The following SPATA6 variants were observed in gnomAD, a reference collection of about 807,000 sequenced individuals.
SPATA6 encodes the protein spermatogenesis-associated protein 6.
Under a neutral mutation model 65.3 loss-of-function variants are expected in SPATA6, and 56 were observed. The observed-to-expected ratio is 0.86, with a 90% CI of 0.69 to 1.07. The LOEUF (loss-of-function observed/expected upper bound fraction) is 1.07. SPATA6 is among the 50% of genes least tolerant of loss of function. SPATA6 has a pLI of 0.00. For synonymous variants in SPATA6, 199 were observed against 213.2 expected (o/e 0.93, Z 0.58); for missense variants, 590 against 594.8 (o/e 0.99, Z 0.08).
intron 9 of SPATA6, among the ~76,000 whole-genome samples, chr1:48,373,567 T>C (rs1647544274): frequency 6.6e-6 from 1 of 152,222 alleles, no homozygotes; most frequent in South Asian, 2.1e-4. Context: ...TCCGGGTATC[T>C]TTTCAGCAAC....
chr1:48,311,876 T>C (rs1445745666), intron 11 of SPATA6, among the ~76,000 whole-genome samples: 9 of 152,232 alleles, frequency 5.9e-5, no homozygotes, highest in Non-Finnish European at 1.0e-4. Flanking sequence ...ACCCTAATAC[T>C]GTGCTTTTCC....
chr1:48,439,987 A>T (rs947176167), intron 3 of SPATA6, among the ~76,000 whole-genome samples: 8 of 152,194 alleles, frequency 5.3e-5, no homozygotes, highest in Admixed American at 2.0e-4. Context: ...CTTTCTTTTC[A>T]TTGAAGGAGA....
At chr1:48,441,420 T>A (rs1311557823) in intron 3 of SPATA6, among the ~76,000 whole-genome samples, 1 of 152,266 alleles carries the variant, frequency 6.6e-6, no homozygotes, top group Non-Finnish European at 1.5e-5. Context: ...GAGACTTTGC[T>A]CTTTTCACAT....
At chr1:48,436,190 A>G in intron 3 of SPATA6, 1 of 1,612,148 alleles carries the variant, frequency 6.2e-7, no homozygotes, top group South Asian at 1.1e-5. Flanking sequence ...ACTTCTGTCC[A>G]TCTTGCATGG....
rs565443937 is a variant in SPATA6 at position 48,353,287 on chromosome 1, C to T, written c.1194+2383G>A. Among the ~76,000 whole-genome samples the T allele has an allele frequency of 4.0e-5, 6 of 151,686 alleles. No homozygotes were observed. In the South Asian group the frequency reaches 8.3e-4, roughly 21 times the overall value. ...CAAAAAATCATAAAAAATAATGTCA[C>T]GTATGTATGTTGAAATAAGGCAAAC... On this transcript the variant is annotated intron_variant, in intron 11 of 12. Transcript: ENST00000371847.
At chr1:48,274,093 G>A in the SPATA6 span, among the ~76,000 whole-genome samples, 7 of 152,094 alleles carry the variant, frequency 4.6e-5, no homozygotes, top group African/African-American at 1.2e-4. Flanking sequence ...CTAATCATCC[G>A]TGTGATCATG....
At chr1:48,268,471 G>A in the SPATA6 span, among the ~76,000 whole-genome samples, 4 of 151,868 alleles carry the variant, frequency 2.6e-5, no homozygotes, top group Non-Finnish European at 5.9e-5. Context: ...CACTTCTGCT[G>A]AACTAGAGTG....
chr1:48,307,472 A>G (rs1351256537), intron 11 of SPATA6, among the ~76,000 whole-genome samples: 1 of 150,424 alleles, frequency 6.6e-6, no homozygotes, highest in Admixed American at 6.6e-5. Flanking sequence ...GTCCCTGTAT[A>G]GATTATTTTT....
At chr1:48,288,612 C>G in the SPATA6 span, among the ~76,000 whole-genome samples, 1 of 152,222 alleles carries the variant, frequency 6.6e-6, no homozygotes, top group Non-Finnish European at 1.5e-5. Context: ...GAAGCCATGA[C>G]AGACAGCACC....
Position 48,472,112 on chromosome 1 carries a change from CGGT to C in SPATA6, c.-107_-105del. On this transcript the variant is annotated 5_prime_UTR_variant, in exon 1 of 13. Transcript: ENST00000371847. ...CGGGGAGGAGACGAGGTGGCGGCGG[CGGT>C]GGCAGCAGTGGCCCCCAGGCCGGGG... 1 of 956,144 alleles carries C rather than the reference CGGT, an allele frequency of 1.0e-6. No homozygotes were observed. The highest frequency in any genetic ancestry group is 1.8e-5 in the South Asian group (1 of 55,068). 59.2% of individuals were successfully genotyped at this position (956,144 alleles called of 1,614,324 possible).
chr1:48,304,314 A>G (rs1255849642), intron 12 of SPATA6, among the ~76,000 whole-genome samples: 1 of 152,148 alleles, frequency 6.6e-6, no homozygotes, highest in African/African-American at 2.4e-5. Context: ...CTTTTCTGAC[A>G]CTCTGCTTAA....
At chr1:48,460,165 T>G (rs1657320428) in intron 1 of SPATA6, among the ~76,000 whole-genome samples, 1 of 151,864 alleles carries the variant, frequency 6.6e-6, no homozygotes. Context: ...GGGGTCTCAC[T>G]ATGTTGCCCA....
chr1:48,277,573 A>G, the SPATA6 span, among the ~76,000 whole-genome samples: 1 of 152,218 alleles, frequency 6.6e-6, no homozygotes, highest in Non-Finnish European at 1.5e-5. Flanking sequence ...AGTCTCACTG[A>G]TTGCTAGCAC....
At chr1:48,300,728 C>T (rs1297628625) in intron 12 of SPATA6, among the ~76,000 whole-genome samples, 1 of 151,916 alleles carries the variant, frequency 6.6e-6, no homozygotes, top group East Asian at 1.9e-4. Flanking sequence ...AAATGGTATT[C>T]ATTCCAGGGA....
At chr1:48,267,197 G>A in the SPATA6 span, among the ~76,000 whole-genome samples, 2 of 152,100 alleles carry the variant, frequency 1.3e-5, no homozygotes, top group South Asian at 4.1e-4. Flanking sequence ...TATCCCTAGG[G>A]TGTGCATGCA....
chr1:48,456,667 T>C (rs889009314), intron 1 of SPATA6, among the ~76,000 whole-genome samples: 1 of 152,054 alleles, frequency 6.6e-6, no homozygotes, highest in Non-Finnish European at 1.5e-5. Context: ...ATAAGAAATA[T>C]CAATAAAGAG....
At chr1:48,365,611 TA>T (rs1646978247) in intron 9 of SPATA6, among the ~76,000 whole-genome samples, 1 of 152,232 alleles carries the variant, frequency 6.6e-6, no homozygotes, top group Non-Finnish European at 1.5e-5. Context: ...GTTATTGGTG[TA>T]TAAGAATTCT....
intron 11 of SPATA6, among the ~76,000 whole-genome samples, chr1:48,323,169 C>A (rs2148707145): frequency 6.6e-6 from 1 of 152,254 alleles, no homozygotes; most frequent in Admixed American, 6.5e-5. Flanking sequence ...GGAACCAACC[C>A]AAATGCCCAT....
Position 48,411,500 on chromosome 1 carries a change from GT to G in SPATA6, c.368del (p.Asn123ThrfsTer6), listed in dbSNP as rs776508161. ...AAATCCTCCTCATGGTAACCTGGCG[GT>G]TTGAATCATGGTGTCCAGACATTTG... ...PNQMSGHHDS[N>X]RQVTMRRISG... On this transcript the variant is annotated frameshift_variant, in exon 5 of 13. Coordinates refer to ENST00000371847, the MANE Select transcript of SPATA6 (RefSeq NM_019073.4). LOFTEE classifies it high-confidence loss of function. The G allele has an allele frequency of 6.2e-7, 1 of 1,610,200 alleles. No homozygotes were observed. Among genetic ancestry groups the G allele is most frequent in the Non-Finnish European group, 8.5e-7 (1 of 1,178,322 alleles).
Sources: gnomAD v4.1 joint callset for allele counts (sites outside exome capture counted in the v4.1 genomes callset) on GRCh38, gnomAD v4.1.1 for gene constraint, MANE v1.5 for transcripts, NCBI Gene and HGNC (gene_info 2026-07-23, HGNC 2026-07-21) for gene names.